The following PHF21B variants were observed in gnomAD, a reference collection of about 807,000 sequenced individuals.
PHF21B encodes the protein PHD finger protein 21B.
In PHF21B, 22 loss-of-function variants were observed where a neutral mutation model predicts 62.2. The ratio of observed to expected loss-of-function variants is 0.35; its 90% CI spans 0.25 to 0.51. The LOEUF is 0.51. PHF21B is among the 20% of genes least tolerant of loss of function. The probability of loss-of-function intolerance (pLI) is 0.97; values close to 1 mark genes in which losing one functional copy is unlikely to be tolerated. For missense variants in PHF21B, 701 were observed against 707.9 expected (o/e 0.99, Z 0.11); for synonymous variants, 341 against 314.7 (o/e 1.08, Z -0.88).
At chr22:44,899,284 T>G (rs571996353) in intron 5 of PHF21B, among the ~76,000 whole-genome samples, 50 of 134,816 alleles carry the variant, frequency 3.7e-4, no homozygotes, top group Middle Eastern at 7.6e-3. Context: ...CTGTTCTTAT[T>G]CTTTTTTTTT....
At chr22:44,928,588 T>C (rs183436559) in intron 2 of PHF21B, among the ~76,000 whole-genome samples, 3 of 152,300 alleles carry the variant, frequency 2.0e-5, no homozygotes, top group Non-Finnish European at 4.4e-5. Flanking sequence ...TTTTATATTT[T>C]TAGTAGAGAC....
rs914511700 is a variant in PHF21B at position 44,980,926 on chromosome 22, TTGC to T, written c.120+27616_120+27618del. ...TGCTAATTGTAATATCGTTTCTGTCTTGCTGCTAATACATTTAGACTTGCTAAT... is the reference window on the plus strand; with the variant it reads ...TGCTAATTGTAATATCGTTTCTGTCTTGCTAATACATTTAGACTTGCTAAT... On this transcript the variant is annotated intron_variant, in intron 2 of 12. Transcript: ENST00000313237. Among the ~76,000 whole-genome samples, 167 of 152,376 alleles carry T rather than the reference TTGC, an allele frequency of 1.1e-3. 2 individuals carry two copies. The highest frequency in any genetic ancestry group is 4.0e-3 in the African/African-American group (166 of 41,594).
chr22:44,913,450 G>A (rs1003569301), intron 5 of PHF21B, among the ~76,000 whole-genome samples: 8 of 152,296 alleles, frequency 5.3e-5, no homozygotes, highest in South Asian at 2.1e-4. Context: ...ACATGAACTC[G>A]CAGAATCCTC....
intron 2 of PHF21B, among the ~76,000 whole-genome samples, chr22:44,965,171 G>T (rs2072500602): frequency 6.6e-6 from 1 of 152,070 alleles, no homozygotes; most frequent in Non-Finnish European, 1.5e-5. Flanking sequence ...CCATCCCCCT[G>T]TGCCACCTGT....
intron 2 of PHF21B, among the ~76,000 whole-genome samples, chr22:44,946,412 T>A (rs545923742): frequency 2.6e-4 from 39 of 152,142 alleles, no homozygotes; most frequent in African/African-American, 7.7e-4. Flanking sequence ...AGGGAGTAGG[T>A]CATGTCTCGA....
chr22:45,009,319 G>A lies in PHF21B; in HGVS notation c.54+177C>T, dbSNP rs1007657587. The A allele has an allele frequency of 1.1e-5, 7 of 657,588 alleles. No homozygotes were observed. The highest frequency in any genetic ancestry group is 1.9e-5 in the African/African-American group (1 of 51,788). 40.7% of individuals were successfully genotyped at this position (657,588 alleles called of 1,614,324 possible). On this transcript the variant is annotated intron_variant, in intron 1 of 12. Transcript: ENST00000313237. This position sits in a 1 kb window ranked among gnomAD's most constrained non-coding sequence, Gnocchi z 5.9. ...GTGCAGGACAGCGCCAGGGGCAGGCGGAGGGGAGCCCAGAAGGGGGTCCGC... is the reference window on the plus strand; with the variant it reads ...GTGCAGGACAGCGCCAGGGGCAGGCAGAGGGGAGCCCAGAAGGGGGTCCGC...
rs532542026 is a variant in PHF21B at position 44,986,476 on chromosome 22, G to C, written c.120+22069C>G. Among the ~76,000 whole-genome samples, 160 of 142,820 alleles carry C rather than the reference G, an allele frequency of 1.1e-3. 1 individual carries two copies. Among genetic ancestry groups the C allele is most frequent in the African/African-American group, 4.1e-3 (159 of 38,502 alleles). 93.7% of individuals were successfully genotyped at this position (142,820 alleles called of 152,430 possible). On this transcript the variant is annotated intron_variant, in intron 2 of 12. Transcript: ENST00000313237. ...AGAGGTCCTTTCTTGAGGGTAAGGA[G>C]ATGCTCCAGGCCTTGGGTCTTGGTG...
chr22:44,937,891 G>T (rs2071881237), intron 2 of PHF21B, among the ~76,000 whole-genome samples: 1 of 152,386 alleles, frequency 6.6e-6, no homozygotes, highest in South Asian at 2.1e-4. Context: ...CCCTGGTGAT[G>T]AAATCTCAAC....
At chr22:44,983,261 C>G (rs933064565) in intron 2 of PHF21B, among the ~76,000 whole-genome samples, 1 of 151,032 alleles carries the variant, frequency 6.6e-6, no homozygotes, top group Non-Finnish European at 1.5e-5. Flanking sequence ...AAGGCAAAAC[C>G]GGGGGAAATC....
chr22:44,925,486 A>G (rs867898168), intron 2 of PHF21B, among the ~76,000 whole-genome samples: 1 of 152,142 alleles, frequency 6.6e-6, no homozygotes, highest in Non-Finnish European at 1.5e-5. Context: ...ATGGGGGTCA[A>G]AACTCTGAGA....
At chr22:45,001,710 C>T (rs943662839) in intron 2 of PHF21B, among the ~76,000 whole-genome samples, 2 of 152,210 alleles carry the variant, frequency 1.3e-5, no homozygotes, top group South Asian at 2.1e-4. Context: ...CTTTCATATT[C>T]GTGGAATTAA....
intron 2 of PHF21B, among the ~76,000 whole-genome samples, chr22:44,966,064 T>C (rs2072519343): frequency 1.3e-5 from 2 of 152,134 alleles, no homozygotes; most frequent in South Asian, 4.1e-4. Context: ...CCCTCCAGCC[T>C]GGAAAGCCCC....
At chr22:45,008,383 C>T (rs2073364955) in intron 2 of PHF21B, 162 bp downstream of exon 2, 4 of 618,278 alleles carry the variant, frequency 6.5e-6, no homozygotes, top group Admixed American at 8.5e-5. Context: ...CCGGCTCTTT[C>T]TTTCCAGGAA....
chr22:44,985,978 C>T (rs567898278), intron 2 of PHF21B, among the ~76,000 whole-genome samples: 1 of 151,478 alleles, frequency 6.6e-6, no homozygotes, highest in Admixed American at 6.6e-5. Context: ...ACTATGACAA[C>T]CATCCTCATC....
intron 2 of PHF21B, among the ~76,000 whole-genome samples, chr22:44,961,566 C>T (rs989509118): frequency 2.6e-5 from 4 of 152,016 alleles, no homozygotes; most frequent in East Asian, 3.9e-4. Flanking sequence ...ACAGGCTGGG[C>T]GTGGTGGCTC....
intron 10 of PHF21B, among the ~76,000 whole-genome samples, chr22:44,886,392 CAAAAAAAAAAAAAA>C (rs61502377): frequency 1.9e-5 from 1 of 53,168 alleles, no homozygotes; most frequent in Admixed American, 2.3e-4. Flanking sequence ...GAAGAAGAGG[CAAAAAAAAAAAAAA>C]AAAAAAAAAA....
At chr22:45,004,788 T>C (rs2073284702) in intron 2 of PHF21B, among the ~76,000 whole-genome samples, 1 of 152,244 alleles carries the variant, frequency 6.6e-6, no homozygotes, top group African/African-American at 2.4e-5. Context: ...GTCTCAGCGC[T>C]GGGCGCGCAC....
In PHF21B at chr22:44,913,999, T is replaced by C. The variant is rs199896713; in HGVS notation, c.654A>G (p.Pro218=). The C allele has an allele frequency of 1.8e-4, 77 of 416,832 alleles. 1 individual carries two copies. In the African/African-American group the frequency reaches 4.6e-3, roughly 25 times the overall value. 25.8% of individuals were successfully genotyped at this position (416,832 alleles called of 1,614,324 possible). ...CATGGAGGGGTGAAGGGGACAGTGATGGGGAGGGAGGGGTGAGGGGAAGAG... is the reference window on the plus strand; with the variant it reads ...CATGGAGGGGTGAAGGGGACAGTGACGGGGAGGGAGGGGTGAGGGGAAGAG... ...PSSLPLTPPS[P]SLSPSPLHGI... is the part of the protein sequence containing the mutation. Residue 218 remains proline (P), a synonymous_variant, in exon 5 of 13, where the codon CCA becomes CCG. Transcript: ENST00000313237.
At chr22:44,888,831 G>C (rs1014992395) in intron 9 of PHF21B, among the ~76,000 whole-genome samples, 1 of 152,156 alleles carries the variant, frequency 6.6e-6, no homozygotes, top group Non-Finnish European at 1.5e-5. Flanking sequence ...TGTCACACAG[G>C]GAGGGGGAGG....
Sources: allele counts gnomAD v4.1 joint callset (sites outside exome capture counted in the v4.1 genomes callset), GRCh38; gene constraint gnomAD v4.1.1; non-coding constraint Gnocchi (gnomAD v3.1); transcripts MANE v1.5; gene names NCBI Gene and HGNC (gene_info 2026-07-23, HGNC 2026-07-21).